CAMSAP2: variants seen among roughly 807,000 people sequenced by gnomAD.
CAMSAP2 encodes calmodulin-regulated spectrin-associated protein 2.
In CAMSAP2, 26 loss-of-function variants were observed where a neutral mutation model predicts 146.1. That is an observed-to-expected ratio of 0.18 (90% CI 0.13 to 0.25). The LOEUF (loss-of-function observed/expected upper bound fraction) is 0.25, where lower values mean the gene tolerates loss of function less well. Among genes scored for constraint, CAMSAP2 ranks in the 10% least tolerant of loss-of-function variants. CAMSAP2 has a pLI of 1.00. For synonymous variants in CAMSAP2, 499 were observed against 596.6 expected (o/e 0.84, Z 2.38); for missense variants, 1,381 against 1,759.3 (o/e 0.78, Z 3.85).
chr1:200,765,036 G>A (rs549691111), intron 2 of CAMSAP2, among the ~76,000 whole-genome samples: 2 of 152,120 alleles, frequency 1.3e-5, no homozygotes, highest in East Asian at 3.9e-4. Context: ...ACCGGGAGAA[G>A]GAGATTGCAG....
chr1:200,786,646 T>C (rs1000794380), intron 2 of CAMSAP2, among the ~76,000 whole-genome samples: 1 of 152,230 alleles, frequency 6.6e-6, no homozygotes, highest in Non-Finnish European at 1.5e-5. Flanking sequence ...CCTTTTAAAG[T>C]GCTGGGATTA....
At chr1:200,768,188 C>G (rs1408725586) in intron 2 of CAMSAP2, among the ~76,000 whole-genome samples, 1 of 152,140 alleles carries the variant, frequency 6.6e-6, no homozygotes, top group East Asian at 1.9e-4. Context: ...TGTAAAGGCA[C>G]CAAACTCTGT....
chr1:200,853,625 G>A lies in CAMSAP2; in HGVS notation c.3823+130G>A. The A allele has an allele frequency of 5.9e-6, 4 of 681,124 alleles. No homozygotes were observed. Among genetic ancestry groups the A allele is most frequent in the Non-Finnish European group, 7.6e-6 (3 of 396,826 alleles). The allele number at this position is 681,124 out of a possible 1,614,324, so 42.2% of individuals were successfully genotyped here. ...TTGAGATTGTGCATGCTCCCTTTTG[G>A]AAAACCAAAATGAGCAAATGAAGTT... On this transcript the variant is annotated intron_variant, in intron 13 of 16. Coordinates refer to ENST00000358823, the MANE Select transcript of CAMSAP2 (RefSeq NM_203459.4). The surrounding 1 kb of genome is among the most constrained non-coding windows in gnomAD (Gnocchi z 5.1).
chr1:200,775,792 A>G (rs552587065), intron 2 of CAMSAP2, among the ~76,000 whole-genome samples: 2 of 152,284 alleles, frequency 1.3e-5, no homozygotes, highest in East Asian at 1.9e-4. Context: ...CGGCCTCCCA[A>G]AGTGCTGGGA....
chr1:200,755,775 C>T (rs1664630448), intron 1 of CAMSAP2, among the ~76,000 whole-genome samples: 1 of 152,134 alleles, frequency 6.6e-6, no homozygotes, highest in Non-Finnish European at 1.5e-5. Flanking sequence ...TGCTCTCCTT[C>T]AGGTACCTTA....
chr1:200,811,339 G>A (rs1479459898), intron 3 of CAMSAP2, among the ~76,000 whole-genome samples: 1 of 152,112 alleles, frequency 6.6e-6, no homozygotes, highest in Non-Finnish European at 1.5e-5. Context: ...GTTGAGGGAA[G>A]TTTATATGCA....
At chr1:200,782,921 G>T (rs990526832) in intron 2 of CAMSAP2, among the ~76,000 whole-genome samples, 2 of 150,706 alleles carry the variant, frequency 1.3e-5, no homozygotes, top group African/African-American at 4.9e-5. Flanking sequence ...CAAGTAGCGT[G>T]CACTACCACA....
intron 7 of CAMSAP2, among the ~76,000 whole-genome samples, chr1:200,843,846 TTTTG>T (rs528379325): frequency 2.2e-4 from 33 of 152,142 alleles, no homozygotes; most frequent in East Asian, 1.4e-3. Flanking sequence ...TTTGTTTTTT[TTTTG>T]TTTGTTTGTT....
chr1:200,794,145 A>G (rs1665823331), intron 2 of CAMSAP2, among the ~76,000 whole-genome samples: 1 of 152,230 alleles, frequency 6.6e-6, no homozygotes, highest in Admixed American at 6.5e-5. Context: ...TGGAAAAAAT[A>G]CAAGCTTTGT....
chr1:200,745,376 T>C (rs1459226186), intron 1 of CAMSAP2, among the ~76,000 whole-genome samples: 2 of 152,092 alleles, frequency 1.3e-5, no homozygotes, highest in Non-Finnish European at 2.9e-5. Context: ...GACACACTAT[T>C]GTGATCTAAA....
intron 2 of CAMSAP2, among the ~76,000 whole-genome samples, chr1:200,780,904 G>T (rs1048653931): frequency 1.3e-5 from 2 of 152,202 alleles, no homozygotes; most frequent in African/African-American, 4.8e-5. Flanking sequence ...AGTGAAGCCT[G>T]ACTGAGTGGT....
At chr1:200,792,320 G>A (rs978580900) in intron 2 of CAMSAP2, among the ~76,000 whole-genome samples, 5 of 152,134 alleles carry the variant, frequency 3.3e-5, no homozygotes, top group African/African-American at 1.2e-4. Flanking sequence ...ATGAACTATT[G>A]ATACATATAA....
At chr1:200,751,215 C>CGT (rs202203192) in intron 1 of CAMSAP2, among the ~76,000 whole-genome samples, 8 of 149,966 alleles carry the variant, frequency 5.3e-5, no homozygotes, top group South Asian at 2.1e-4. Context: ...GTATATATAA[C>CGT]GTGTGTGTGT....
At position 200,739,292 on chromosome 1, in the gene CAMSAP2, C is replaced by G. The variant is rs905623279; in HGVS notation, c.-536C>G. 6.6e-6 allele frequency among the ~76,000 whole-genome samples: 1 copy of G among 152,148 alleles called. No individual in the cohort carries two copies. Among genetic ancestry groups the G allele is most frequent in the Non-Finnish European group, 1.5e-5 (1 of 67,998 alleles). ...CGCCCCGCGCTTCCCCCTCGTCCTGCTCGTCCCTCCGCCCACCCGGGGCCT... is the reference window on the plus strand; with the variant it reads ...CGCCCCGCGCTTCCCCCTCGTCCTGGTCGTCCCTCCGCCCACCCGGGGCCT... On this transcript the variant is annotated 5_prime_UTR_variant, in exon 1 of 17. Coordinates refer to ENST00000358823, the MANE Select transcript of CAMSAP2 (RefSeq NM_203459.4). The surrounding 1 kb of genome is among the most constrained non-coding windows in gnomAD (Gnocchi z 4.8).
Position 200,848,892 on chromosome 1 carries a change from G to T in CAMSAP2, c.2123G>T (p.Ser708Ile). Residue 708 changes from serine to isoleucine, a missense_variant, in exon 11 of 17, where the codon AGT becomes ATT. Ser to Ile is a moderately radical substitution (Grantham distance 142). This residue lies in a region of CAMSAP2 where 447 missense variants were observed against 462.2 expected (regional missense o/e 0.97). Coordinates refer to ENST00000358823, the MANE Select transcript of CAMSAP2 (RefSeq NM_203459.4). ...ACCGATGGAAAAAGTAGTGGAAGCA[G>T]TTCTCAAAAAACTACACCAGAAGGC... is the stretch of plus-strand genomic sequence containing the variant. Reference protein sequence around the residue: ...NHTDGKSSGSSSQKTTPEGSE... With the variant: ...NHTDGKSSGSISQKTTPEGSE... 1 of 1,614,148 alleles carries T rather than the reference G, an allele frequency of 6.2e-7. No individual in the cohort carries two copies. Among genetic ancestry groups the T allele is most frequent in the Non-Finnish European group, 8.5e-7 (1 of 1,180,000 alleles).
Position 200,850,053 on chromosome 1 carries a change from A to G in CAMSAP2, c.3284A>G (p.Glu1095Gly). ...PNEDQLNQPT[E>G]PPPKPVFPPT... ...GAGGACCAATTGAATCAACCCACAG[A>G]ACCCCCTCCTAAACCCGTTTTCCCA... is the stretch of plus-strand genomic sequence containing the variant. Residue 1095 changes from glutamate (E) to glycine (G), a missense_variant, in exon 11 of 17, where the codon GAA becomes GGA. Transcript: ENST00000358823. 6.2e-7 allele frequency: 1 copy of G among 1,612,026 alleles called. No individual in the cohort carries two copies. Among genetic ancestry groups the G allele is most frequent in the Non-Finnish European group, 8.5e-7 (1 of 1,179,142 alleles).
At position 200,849,697 on chromosome 1, in the gene CAMSAP2, G is replaced by A. The variant is rs1667564548; in HGVS notation, c.2928G>A (p.Arg976=). The part of the protein sequence containing the change: ...KSASFSVKSQ[R]TPRPNELKIT... ...CATCTTTTTCTGTTAAAAGTCAAAG[G>A]ACTCCTAGGCCAAATGAGTTAAAAA... Residue 976 remains arginine (R), a synonymous_variant, in exon 11 of 17, where the codon AGG becomes AGA. Transcript: ENST00000358823. This position sits in a 1 kb window ranked among gnomAD's most constrained non-coding sequence, Gnocchi z 6.3. The A allele has an allele frequency of 1.9e-6, 3 of 1,614,000 alleles. No homozygotes were observed. The African/African-American group carries it at 4.0e-5, about 22-fold the overall frequency.
chr1:200,755,725 G>C (rs1467292041), intron 1 of CAMSAP2, among the ~76,000 whole-genome samples: 1 of 152,190 alleles, frequency 6.6e-6, no homozygotes, highest in Non-Finnish European at 1.5e-5. Context: ...TGTTTCAGAC[G>C]CAGTTCCAGG....
intron 6 of CAMSAP2, among the ~76,000 whole-genome samples, chr1:200,840,311 G>T (rs976993810): frequency 2.6e-5 from 4 of 151,832 alleles, no homozygotes; most frequent in East Asian, 1.9e-4. Context: ...TAGAGACAGG[G>T]TCTCACTCTG....
Sources: gnomAD v4.1 joint callset for allele counts (sites outside exome capture counted in the v4.1 genomes callset) on GRCh38, gnomAD v4.1.1 for gene constraint, gnomAD v4.1.1 regional missense constraint, Gnocchi (gnomAD v3.1) non-coding constraint, MANE v1.5 for transcripts, NCBI Gene and HGNC (gene_info 2026-07-23, HGNC 2026-07-21) for gene names.